ASTN2: variants seen among roughly 807,000 people sequenced by gnomAD.
ASTN2 encodes astrotactin 2, also known as astrotactin-2.
A neutral mutation model predicts 139.8 loss-of-function variants in ASTN2; 54 were observed. The ratio of observed to expected loss-of-function variants is 0.39; its 90% CI spans 0.31 to 0.48. ASTN2 has a LOEUF of 0.48. ASTN2 is among the 20% of genes least tolerant of loss of function. The pLI, the probability that ASTN2 is intolerant of heterozygous loss-of-function variation, is 0.95. For synonymous variants in ASTN2, 756 were observed against 719.5 expected (o/e 1.05, Z -0.81); for missense variants, 1,565 against 1,725.1 (o/e 0.91, Z 1.64).
intron 11 of ASTN2, among the ~76,000 whole-genome samples, chr9:116,858,568 C>T (rs530966971): frequency 6.6e-6 from 1 of 152,300 alleles, no homozygotes; most frequent in South Asian, 2.1e-4. Flanking sequence ...TATACTGCCA[C>T]ACAGAATAAA....
chr9:117,112,194 A>G (rs955891248), intron 4 of ASTN2, among the ~76,000 whole-genome samples: 2 of 152,070 alleles, frequency 1.3e-5, no homozygotes, highest in South Asian at 4.1e-4. Flanking sequence ...TATTGTTAAG[A>G]TGCTTTCTCC....
intron 5 of ASTN2, among the ~76,000 whole-genome samples, chr9:117,078,745 T>C (rs1828345046): frequency 6.6e-6 from 1 of 152,128 alleles, no homozygotes; most frequent in South Asian, 2.1e-4. Flanking sequence ...ATTTTTATTT[T>C]TATTTTTTGA....
intron 16 of ASTN2, among the ~76,000 whole-genome samples, chr9:116,707,821 A>C (rs1324684508): frequency 6.6e-6 from 1 of 152,196 alleles, no homozygotes; most frequent in Non-Finnish European, 1.5e-5. Context: ...ATTCCCCTAA[A>C]TTTAAACAAA....
intron 22 of ASTN2, among the ~76,000 whole-genome samples, chr9:116,437,765 C>G (rs56946484): frequency 0.033 from 5,085 of 152,286 alleles, 114 homozygotes; most frequent in East Asian, 0.067. Context: ...GCCCGCCAGT[C>G]TGGCCCTCTT....
At chr9:117,049,327 C>A (rs1838846387) in intron 5 of ASTN2, among the ~76,000 whole-genome samples, 1 of 152,054 alleles carries the variant, frequency 6.6e-6, no homozygotes, top group Non-Finnish European at 1.5e-5. Flanking sequence ...TCTTAAAGCA[C>A]CCAAGTATAT....
rs145746515 is a variant in ASTN2, at chr9:117,363,015, T to A, written c.442+51482A>T. On this transcript the variant is annotated intron_variant, in intron 1 of 22. Transcript: ENST00000313400. Reference sequence around the variant, plus strand: ...TTAGTTTCAATATCCAAACCAAATTTGGGGTGGGGATCTCTCCTGCTTTTA... The same window carrying A: ...TTAGTTTCAATATCCAAACCAAATTAGGGGTGGGGATCTCTCCTGCTTTTA... Among the ~76,000 whole-genome samples the A allele has an allele frequency of 2.2e-3, 332 of 152,256 alleles. 3 individuals are homozygous for A. The highest frequency in any genetic ancestry group is 7.7e-3 in the African/African-American group (318 of 41,556).
intron 17 of ASTN2, among the ~76,000 whole-genome samples, chr9:116,623,147 CTGTGTGTGTGTGTGTGTGTGTGTGTGTG>C (rs10527124): frequency 8.0e-5 from 11 of 137,214 alleles, no homozygotes; most frequent in South Asian, 2.6e-4. Flanking sequence ...AGAGCATACT[CTGTGTGTGTGTGTGTGTGTGTGTGTGTG>C]TGTGTGTGTG....
intron 4 of ASTN2, among the ~76,000 whole-genome samples, chr9:117,117,126 A>G (rs1829415504): frequency 6.6e-6 from 1 of 152,090 alleles, no homozygotes; most frequent in African/African-American, 2.4e-5. Context: ...GAAATCAGGC[A>G]AGTGAAAAAC....
chr9:117,198,607 T>C (rs1259762188), intron 3 of ASTN2, among the ~76,000 whole-genome samples: 1 of 152,188 alleles, frequency 6.6e-6, no homozygotes, highest in Non-Finnish European at 1.5e-5. Context: ...AACATACATG[T>C]GCATGTATCT....
chr9:117,302,121 T>C (rs545984207), intron 1 of ASTN2, among the ~76,000 whole-genome samples: 260 of 151,926 alleles, frequency 1.7e-3, no homozygotes, highest in Middle Eastern at 3.4e-3. Flanking sequence ...GTACCAAATA[T>C]AAAGAAAAAG....
chr9:116,746,986 A>G (rs1328084743), intron 13 of ASTN2, among the ~76,000 whole-genome samples: 1 of 152,134 alleles, frequency 6.6e-6, no homozygotes, highest in Admixed American at 6.5e-5. Context: ...CAATCCATTC[A>G]GCTGTGGTAC....
chr9:116,465,630 T>A (rs1039752595), intron 20 of ASTN2, among the ~76,000 whole-genome samples: 3 of 152,170 alleles, frequency 2.0e-5, no homozygotes, highest in Non-Finnish European at 4.4e-5. Flanking sequence ...ATAATAACAA[T>A]ACAAGCTGCA....
intron 7 of ASTN2, 63 bp downstream of exon 7, chr9:117,008,029 A>AC (rs1297800565): frequency 6.8e-7 from 1 of 1,468,642 alleles, no homozygotes; most frequent in Non-Finnish European, 9.1e-7. Context: ...TAGAGGGAGC[A>AC]CAATGCCTCT....
At chr9:117,098,852 A>G (rs867981920) in intron 4 of ASTN2, among the ~76,000 whole-genome samples, 5 of 152,122 alleles carry the variant, frequency 3.3e-5, no homozygotes, top group Middle Eastern at 3.4e-3. Flanking sequence ...TCACACCTGT[A>G]ATCCCAGCAC....
At chr9:116,934,003 C>T (rs1311251877) in intron 10 of ASTN2, among the ~76,000 whole-genome samples, 166 of 30,120 alleles carry the variant, frequency 5.5e-3, no homozygotes, top group East Asian at 0.013. Context: ...TTTTTTTTTT[C>T]TGGATCAAGG....
Position 117,415,035 on chromosome 9 carries a change from G to T in ASTN2, c.-97C>A. The T allele has an allele frequency of 5.6e-6, 1 of 177,512 alleles. No individual in the cohort carries two copies. Among genetic ancestry groups the T allele is most frequent in the Non-Finnish European group, 1.2e-5 (1 of 86,086 alleles). The allele number at this position is 177,512 out of a possible 1,614,324, so 11.0% of individuals were successfully genotyped here. On this transcript the variant is annotated 5_prime_UTR_variant, in exon 1 of 23. Transcript: ENST00000313400. Reference sequence around the variant, plus strand: ...CTGCGGAGACGGCGGACGCCGAAGCGAACCAGGACGCCCGAGCTAAGGAGC... The same window carrying T: ...CTGCGGAGACGGCGGACGCCGAAGCTAACCAGGACGCCCGAGCTAAGGAGC...
At chr9:116,932,091 G>T (rs1473113914) in intron 10 of ASTN2, among the ~76,000 whole-genome samples, 1 of 152,154 alleles carries the variant, frequency 6.6e-6, no homozygotes, top group Non-Finnish European at 1.5e-5. Context: ...TAACACACTT[G>T]AATATGATGC....
chr9:116,843,876 C>T (rs1351997711), intron 11 of ASTN2, among the ~76,000 whole-genome samples: 2 of 151,996 alleles, frequency 1.3e-5, no homozygotes, highest in Non-Finnish European at 2.9e-5. Flanking sequence ...CACAATATAT[C>T]CAGGTAACAA....
intron 10 of ASTN2, among the ~76,000 whole-genome samples, chr9:116,905,865 TTG>T (rs1491397628): frequency 7.5e-5 from 8 of 106,696 alleles, no homozygotes; most frequent in African/African-American, 2.7e-4. Context: ...TTTTTTTTTT[TTG>T]GGGGGGGGTG....
Sources: gnomAD v4.1 joint callset for allele counts (sites outside exome capture counted in the v4.1 genomes callset) on GRCh38, gnomAD v4.1.1 for gene constraint, MANE v1.5 for transcripts, NCBI Gene and HGNC (gene_info 2026-07-23, HGNC 2026-07-21) for gene names.